The following ZBTB7A variants were observed in gnomAD, a reference collection of about 807,000 sequenced individuals.
ZBTB7A encodes zinc finger and BTB domain-containing protein 7A.
Under a neutral mutation model 26.7 loss-of-function variants are expected in ZBTB7A, and 7 were observed. The observed-to-expected ratio is 0.26, with a 90% CI of 0.15 to 0.49. The LOEUF is 0.49. ZBTB7A is among the 20% of genes least tolerant of loss of function. ZBTB7A has a pLI of 0.98. For synonymous variants in ZBTB7A, 452 were observed against 441.0 expected (o/e 1.02, Z -0.31); for missense variants, 617 against 919.5 (o/e 0.67, Z 4.25).
chr19:4,052,964 G>A lies in ZBTB7A; in HGVS notation c.1262+1007C>T. On this transcript the variant is annotated intron_variant, in intron 2 of 2. Transcript: ENST00000322357. This position sits in a 1 kb window ranked among gnomAD's most constrained non-coding sequence, Gnocchi z 4.9. The stretch of plus-strand genomic sequence containing the variant: ...TGTCCCCGGCGCCTAGAACAGGCCT[G>A]GCACCAGCAGACGCTTCATAAATGT... Among the ~76,000 whole-genome samples the A allele has an allele frequency of 6.6e-6, 1 of 152,294 alleles. No homozygotes were observed. Among genetic ancestry groups the A allele is most frequent in the East Asian group, 1.9e-4 (1 of 5,184 alleles).
Position 4,048,356 on chromosome 19 carries a change from G to A in ZBTB7A, c.1263-112C>T, listed in dbSNP as rs2040451363. On this transcript the variant is annotated intron_variant, in intron 2 of 2. Transcript: ENST00000322357. The surrounding 1 kb of genome is among the most constrained non-coding windows in gnomAD (Gnocchi z 6.7). ...CTGGATCATCACCCTTGCAGAACACGGACCGTGCACCAGAGGTTTCGGTGC... is the reference window on the plus strand; with the variant it reads ...CTGGATCATCACCCTTGCAGAACACAGACCGTGCACCAGAGGTTTCGGTGC... The A allele has an allele frequency of 2.2e-6, 3 of 1,365,010 alleles. No homozygotes were observed. Among genetic ancestry groups the A allele is most frequent in the Non-Finnish European group, 2.8e-6 (3 of 1,056,094 alleles). 84.6% of individuals were successfully genotyped at this position (1,365,010 alleles called of 1,614,324 possible). A position where few individuals can be genotyped will look rare whatever the true frequency, so the allele number is the denominator to read the frequency against.
chr19:4,060,839 AG>A (rs1568237475), intron 1 of ZBTB7A, among the ~76,000 whole-genome samples: 1 of 152,180 alleles, frequency 6.6e-6, no homozygotes, highest in Non-Finnish European at 1.5e-5. Context: ...TTCCTGGAGC[AG>A]GGGGCCGTCT....
intron 2 of ZBTB7A, among the ~76,000 whole-genome samples, chr19:4,053,522 TGC>T (rs923058559): frequency 3.3e-5 from 5 of 149,634 alleles, no homozygotes; most frequent in Admixed American, 2.0e-4. Context: ...TGTGCGTGCG[TGC>T]GTGCGTGCAT....
At position 4,046,679 on chromosome 19, in the gene ZBTB7A, C is replaced by T. The variant is rs1306355211; in HGVS notation, c.*1073G>A. 1 of 149,626 alleles carries T rather than the reference C, an allele frequency of 6.7e-6. No individual in the cohort carries two copies. The highest frequency in any genetic ancestry group is 1.9e-4 in the East Asian group (1 of 5,172). 9.3% of individuals were successfully genotyped at this position (149,626 alleles called of 1,614,324 possible). On this transcript the variant is annotated 3_prime_UTR_variant, in exon 3 of 3. Coordinates refer to ENST00000322357, the MANE Select transcript of ZBTB7A (RefSeq NM_015898.4). ...GTGGATTTTCTCTCTCTCCCCCCAT[C>T]CCTGCCATCACCAGACCCTGGGGTT...
intron 1 of ZBTB7A, chr19:4,062,334 G>C (rs564204941): frequency 2.6e-5 from 4 of 152,246 alleles, no homozygotes; most frequent in Admixed American, 2.0e-4. Context: ...TTGGGGCTCT[G>C]GACTCGGCGC....
chr19:4,048,226 C>T lies in ZBTB7A; in HGVS notation c.1281G>A (p.Val427=), dbSNP rs199761446. ...VRFTRQDKLK[V]HMRKHTGEKP... is the part of the protein sequence containing the mutation. ...TCTCGCCCGTGTGCTTCCGCATGTG[C>T]ACCTTCAGCTTGTCCTGCCTGTGGA... Residue 427 remains valine, a synonymous_variant, in exon 3 of 3, where the codon GTG becomes GTA. Coordinates refer to ENST00000322357, the MANE Select transcript of ZBTB7A (RefSeq NM_015898.4). The surrounding 1 kb of genome is among the most constrained non-coding windows in gnomAD (Gnocchi z 6.7). The T allele has an allele frequency of 4.0e-4, 631 of 1,591,280 alleles. 9 individuals carry two copies. The South Asian group carries it at 6.7e-3, about 17-fold the overall frequency.
chr19:4,063,186 G>A (rs1396227335), intron 1 of ZBTB7A, among the ~76,000 whole-genome samples: 1 of 152,190 alleles, frequency 6.6e-6, no homozygotes, highest in Non-Finnish European at 1.5e-5. Flanking sequence ...CCGCCGCGGA[G>A]GAGAAAAGAC....
chr19:4,045,485 G>A lies in ZBTB7A; in HGVS notation c.*2267C>T, dbSNP rs1285557886. 6.5e-6 allele frequency: 1 copy of A among 152,790 alleles called. No homozygotes were observed. Among genetic ancestry groups the A allele is most frequent in the Non-Finnish European group, 1.5e-5 (1 of 68,776 alleles). The allele number at this position is 152,790 out of a possible 1,614,324, so 9.5% of individuals were successfully genotyped here. A position where few individuals can be genotyped will look rare whatever the true frequency, so the allele number is the denominator to read the frequency against. On this transcript the variant is annotated 3_prime_UTR_variant, in exon 3 of 3. Coordinates refer to ENST00000322357, the MANE Select transcript of ZBTB7A (RefSeq NM_015898.4). The surrounding 1 kb of genome is among the most constrained non-coding windows in gnomAD (Gnocchi z 4.1). ...ATTTGGAGGGGGCTGACAGGCTTAA[G>A]GGGGGGTGGGAAGGGAAGGGAACCA...
In ZBTB7A at chr19:4,047,709, CTG is replaced by C; in HGVS notation, c.*41_*42del. 1 of 1,550,926 alleles carries C rather than the reference CTG, an allele frequency of 6.4e-7. No homozygotes were observed. Among genetic ancestry groups the C allele is most frequent in the African/African-American group, 1.4e-5 (1 of 70,752 alleles). On this transcript the variant is annotated 3_prime_UTR_variant, in exon 3 of 3. Coordinates refer to ENST00000322357, the MANE Select transcript of ZBTB7A (RefSeq NM_015898.4). ...GGTGGGTGATTTTTTTTCTCTCTCT[CTG>C]TCTCTCTCTTTCTCGGGTTTCTGTT...
chr19:4,053,785 C>T (rs949806512), intron 2 of ZBTB7A, among the ~76,000 whole-genome samples, 186 bp downstream of exon 2: 7 of 150,120 alleles, frequency 4.7e-5, no homozygotes, highest in Middle Eastern at 3.4e-3. Flanking sequence ...TGTGTGTCTG[C>T]GTGTGTGTGG....
rs775646544 is a variant in ZBTB7A, at chr19:4,054,902, C to A, written c.331G>T (p.Ala111Ser). The A allele has an allele frequency of 6.2e-7, 1 of 1,607,462 alleles. No individual in the cohort carries two copies. Among genetic ancestry groups the A allele is most frequent in the Non-Finnish European group, 8.5e-7 (1 of 1,177,696 alleles). Residue 111 changes from alanine (A) to serine (S), a missense_variant, in exon 2 of 3, where the codon GCC becomes TCC. Physicochemically the swap from Ala to Ser is moderately conservative, Grantham distance 99. Transcript: ENST00000322357. ...TANVGDILSA[A>S]RLLEIPAVSH... Reference sequence around the variant, plus strand: ...ACGGCGGGGATCTCCAGCAGGCGGGCGGCGCTGAGGATGTCACCCACGTTG... The same window carrying A: ...ACGGCGGGGATCTCCAGCAGGCGGGAGGCGCTGAGGATGTCACCCACGTTG...
chr19:4,064,669 ATC>A (rs2040673612), intron 1 of ZBTB7A, among the ~76,000 whole-genome samples: 2 of 152,088 alleles, frequency 1.3e-5, no homozygotes, highest in Non-Finnish European at 1.5e-5. Context: ...CTGACACGGA[ATC>A]CCCACGCCCT....
intron 1 of ZBTB7A, among the ~76,000 whole-genome samples, chr19:4,066,121 C>T (rs2040693686): frequency 1.4e-5 from 2 of 147,636 alleles, no homozygotes; most frequent in Non-Finnish European, 1.5e-5. Flanking sequence ...GAGGTCCCTG[C>T]GGCCCTGCCC....
chr19:4,066,433 G>C (rs867167390), intron 1 of ZBTB7A, among the ~76,000 whole-genome samples: 6 of 150,742 alleles, frequency 4.0e-5, no homozygotes, highest in Admixed American at 2.6e-4. Context: ...GGTTGGGGGG[G>C]GCTGGCGCAC....
At position 4,044,246 on chromosome 19, in the gene ZBTB7A, T is replaced by TGG. The variant is rs572052530; in HGVS notation, c.*3504_*3505dup. On this transcript the variant is annotated 3_prime_UTR_variant, in exon 3 of 3. Transcript: ENST00000322357. The stretch of plus-strand genomic sequence containing the variant: ...TGACAGGACTGCATGGCCACAATGG[T>TGG]GGGGGGGCAGACTTTGGTATCGCCC... 3 of 151,554 alleles carry TGG rather than the reference T, an allele frequency of 2.0e-5. No individual in the cohort carries two copies. Among genetic ancestry groups the TGG allele is most frequent in the African/African-American group, 7.3e-5 (3 of 41,194 alleles). The allele number at this position is 151,554 out of a possible 1,614,324, so 9.4% of individuals were successfully genotyped here. A position where few individuals can be genotyped will look rare whatever the true frequency, so the allele number is the denominator to read the frequency against.
chr19:4,048,267 G>C lies in ZBTB7A; in HGVS notation c.1263-23C>G, dbSNP rs765621953. On this transcript the variant is annotated intron_variant, in intron 2 of 2. Transcript: ENST00000322357. This position sits in a 1 kb window ranked among gnomAD's most constrained non-coding sequence, Gnocchi z 6.7. ...TGCCTGTGGACGGGGCACGGGGCGG[G>C]CACGGTCAGTGGGGCCGGGGACCCC... The C allele has an allele frequency of 5.8e-6, 9 of 1,555,808 alleles. No individual in the cohort carries two copies. The highest frequency in any genetic ancestry group is 8.6e-7 in the Non-Finnish European group (1 of 1,159,560).
At chr19:4,056,524 C>G (rs142773666) in intron 1 of ZBTB7A, among the ~76,000 whole-genome samples, 2,089 of 152,166 alleles carry the variant, frequency 0.014, 8 homozygotes, top group Non-Finnish European at 0.021. Context: ...GTCAGGAGTT[C>G]AAGACCAGCG....
intron 1 of ZBTB7A, among the ~76,000 whole-genome samples, chr19:4,058,137 TA>T (rs990392806): frequency 1.3e-5 from 2 of 152,182 alleles, no homozygotes; most frequent in Non-Finnish European, 2.9e-5. Flanking sequence ...CTCCGCAGGC[TA>T]AACCCCTTCC....
At position 4,048,337 on chromosome 19, in the gene ZBTB7A, C is replaced by G. The variant is rs1262209601; in HGVS notation, c.1263-93G>C. The G allele has an allele frequency of 1.2e-5, 17 of 1,420,766 alleles. No individual in the cohort carries two copies. The highest frequency in any genetic ancestry group is 1.5e-5 in the African/African-American group (1 of 67,394). The allele number at this position is 1,420,766 out of a possible 1,614,324, so 88.0% of individuals were successfully genotyped here. ...CTCACGGACACGGCAGGCCCTGGAT[C>G]ATCACCCTTGCAGAACACGGACCGT... On this transcript the variant is annotated intron_variant, in intron 2 of 2. Transcript: ENST00000322357. The surrounding 1 kb of genome is among the most constrained non-coding windows in gnomAD (Gnocchi z 6.7).
Sources: allele counts gnomAD v4.1 joint callset (sites outside exome capture counted in the v4.1 genomes callset), GRCh38; gene constraint gnomAD v4.1.1; non-coding constraint Gnocchi (gnomAD v3.1); transcripts MANE v1.5; gene names NCBI Gene and HGNC (gene_info 2026-07-23, HGNC 2026-07-21).